Variants in MARCHF1 observed in about 807,000 individuals in gnomAD.
MARCHF1 encodes E3 ubiquitin-protein ligase MARCHF1.
In MARCHF1, 40 loss-of-function variants were observed where a neutral mutation model predicts 54.2. The ratio of observed to expected loss-of-function variants is 0.74; its 90% CI spans 0.57 to 0.96. The LOEUF (loss-of-function observed/expected upper bound fraction) is 0.96. Among genes scored for constraint, MARCHF1 ranks in the 40% least tolerant of loss-of-function variants. MARCHF1 has a pLI of 0.00. For synonymous variants in MARCHF1, 236 were observed against 236.3 expected (o/e 1.00, Z 0.01); for missense variants, 586 against 656.5 (o/e 0.89, Z 1.17).
At chr4:163,596,172 A>G (rs762231737) in intron 7 of MARCHF1, among the ~76,000 whole-genome samples, 2 of 152,096 alleles carry the variant, frequency 1.3e-5, no homozygotes, top group Non-Finnish European at 2.9e-5. Context: ...GGAATGAGTT[A>G]TGGAGGAAGA....
chr4:163,947,134 T>C (rs535590852), intron 3 of MARCHF1, among the ~76,000 whole-genome samples: 4 of 152,214 alleles, frequency 2.6e-5, no homozygotes, highest in Admixed American at 1.3e-4. Context: ...ATTGGAAAAT[T>C]GTACTTCGTG....
chr4:163,806,672 G>C (rs1246840355), intron 4 of MARCHF1, among the ~76,000 whole-genome samples: 1 of 152,086 alleles, frequency 6.6e-6, no homozygotes, highest in African/African-American at 2.4e-5. Flanking sequence ...CCAAGCTCAA[G>C]GAGAAAAAGA....
rs1457699816 is a variant in MARCHF1 at position 163,849,966 on chromosome 4, G to A, written c.111+4055C>T. 2.6e-5 allele frequency among the ~76,000 whole-genome samples: 4 copies of A among 152,210 alleles called. No individual in the cohort carries two copies. The East Asian group carries it at 7.7e-4, about 29-fold the overall frequency. The stretch of plus-strand genomic sequence containing the variant: ...TATTCTACCTCAAGATCCTAAAGCT[G>A]GGAGCCTTCAAACCAGATTTCTTCT... On this transcript the variant is annotated intron_variant, in intron 4 of 9. Coordinates refer to ENST00000514618, the MANE Select transcript of MARCHF1 (RefSeq NM_001394959.1).
intron 4 of MARCHF1, chr4:163,829,032 T>C (rs1400615170): frequency 1.3e-5 from 2 of 152,196 alleles, no homozygotes; most frequent in African/African-American, 2.4e-5. Flanking sequence ...GAAGGGCACT[T>C]GGCCAGCCAG....
intron 5 of MARCHF1, among the ~76,000 whole-genome samples, chr4:163,624,239 C>T (rs539962786): frequency 9.9e-5 from 15 of 152,094 alleles, no homozygotes; most frequent in Non-Finnish European, 1.8e-4. Context: ...TCCGTGAAAC[C>T]CTGTGCACAA....
chr4:164,301,305 A>T (rs1468198096), intron 1 of MARCHF1, among the ~76,000 whole-genome samples: 1 of 152,200 alleles, frequency 6.6e-6, no homozygotes, highest in Non-Finnish European at 1.5e-5. Flanking sequence ...TGTTTTGAAG[A>T]TATGATTGCT....
At chr4:164,259,469 G>A (rs957967612) in intron 1 of MARCHF1, among the ~76,000 whole-genome samples, 7 of 128,032 alleles carry the variant, frequency 5.5e-5, no homozygotes, top group African/African-American at 2.2e-4. Flanking sequence ...ATTTGAGCCT[G>A]GGAGGCAGAG....
chr4:164,299,698 T>C (rs992986268), intron 1 of MARCHF1, among the ~76,000 whole-genome samples: 8 of 152,150 alleles, frequency 5.3e-5, no homozygotes, highest in Non-Finnish European at 1.2e-4. Flanking sequence ...TTCCATGATG[T>C]TCTAAAGTCT....
intron 2 of MARCHF1, among the ~76,000 whole-genome samples, chr4:163,999,137 T>A (rs1753137822): frequency 6.6e-6 from 1 of 151,666 alleles, no homozygotes. Context: ...TTGGTAATTA[T>A]CATTCTAAAA....
rs1403999872 is a variant in MARCHF1, at chr4:163,527,821, A to G, written c.*927T>C. Reference sequence around the variant, plus strand: ...TTCAAGAAACAGATGTAAACTATCAATCAATCAATCAATTTTTTATATTGA... The same window carrying G: ...TTCAAGAAACAGATGTAAACTATCAGTCAATCAATCAATTTTTTATATTGA... On this transcript the variant is annotated 3_prime_UTR_variant, in exon 10 of 10. Coordinates refer to ENST00000514618, the MANE Select transcript of MARCHF1 (RefSeq NM_001394959.1). 7.0e-6 allele frequency: 1 copy of G among 143,394 alleles called. No homozygotes were observed. 8.9% of individuals were successfully genotyped at this position (143,394 alleles called of 1,614,324 possible). A position where few individuals can be genotyped will look rare whatever the true frequency, so the allele number is the denominator to read the frequency against.
chr4:163,723,611 AAG>A (rs1745551860), intron 4 of MARCHF1, among the ~76,000 whole-genome samples: 2 of 152,144 alleles, frequency 1.3e-5, no homozygotes, highest in South Asian at 4.1e-4. Context: ...TAATACCCTG[AAG>A]AGTGTTTTCC....
At chr4:163,845,351 C>A (rs1365972961) in intron 4 of MARCHF1, among the ~76,000 whole-genome samples, 7 of 151,978 alleles carry the variant, frequency 4.6e-5, no homozygotes, top group Admixed American at 3.3e-4. Flanking sequence ...ATCTGTCCTG[C>A]CTGCTCCATT....
At chr4:163,783,238 A>C (rs1432571237) in intron 4 of MARCHF1, among the ~76,000 whole-genome samples, 1 of 152,254 alleles carries the variant, frequency 6.6e-6, no homozygotes, top group Non-Finnish European at 1.5e-5. Flanking sequence ...TCAGAGTAAA[A>C]TAACTTCAAA....
At chr4:164,216,544 C>T (rs558519378) in intron 1 of MARCHF1, among the ~76,000 whole-genome samples, 1 of 151,866 alleles carries the variant, frequency 6.6e-6, no homozygotes, top group South Asian at 2.1e-4. Flanking sequence ...TAGTTGGAAC[C>T]CAGGGGCAAA....
intron 4 of MARCHF1, among the ~76,000 whole-genome samples, chr4:163,817,826 T>G (rs1048833630): frequency 1.3e-5 from 2 of 151,150 alleles, no homozygotes; most frequent in African/African-American, 2.4e-5. Flanking sequence ...ATGGATGAAA[T>G]TGGAAATCAT....
At chr4:164,348,126 AAGAG>A (rs1730165303) in intron 1 of MARCHF1, among the ~76,000 whole-genome samples, 1 of 152,166 alleles carries the variant, frequency 6.6e-6, no homozygotes, top group Non-Finnish European at 1.5e-5. Flanking sequence ...GCAGATGAAA[AAGAG>A]AGAGATAAAA....
At chr4:163,602,351 C>T (rs958799090) in intron 7 of MARCHF1, among the ~76,000 whole-genome samples, 12 of 152,066 alleles carry the variant, frequency 7.9e-5, no homozygotes, top group African/African-American at 2.9e-4. Context: ...TTTGAAAACA[C>T]TGAATTATGT....
At chr4:164,225,925 C>T (rs1273465744) in intron 1 of MARCHF1, among the ~76,000 whole-genome samples, 1 of 152,020 alleles carries the variant, frequency 6.6e-6, no homozygotes, top group African/African-American at 2.4e-5. Flanking sequence ...TTAACCTATG[C>T]AAATTTCAGT....
rs150979710 is a variant in MARCHF1, at chr4:163,743,037, C to T, written c.112-42174G>A. On this transcript the variant is annotated intron_variant, in intron 4 of 9. Transcript: ENST00000514618. ...TGCTATTTAAGTACAGCTTTAAGCA[C>T]TTGTTTCTGCAAAGCTTATCTGCTC... is the stretch of plus-strand genomic sequence containing the variant. Among the ~76,000 whole-genome samples, 474 of 152,274 alleles carry T rather than the reference C, an allele frequency of 3.1e-3. 1 individual carries two copies. Among genetic ancestry groups the T allele is most frequent in the African/African-American group, 0.01 (417 of 41,542 alleles).
Sources: allele counts gnomAD v4.1 joint callset (sites outside exome capture counted in the v4.1 genomes callset), GRCh38; gene constraint gnomAD v4.1.1; transcripts MANE v1.5; gene names NCBI Gene and HGNC (gene_info 2026-07-23, HGNC 2026-07-21).